The following GFRA1 variants were observed in gnomAD, a reference collection of about 807,000 sequenced individuals.
GFRA1 encodes the protein GDNF family receptor alpha 1, also known as GDNF family receptor alpha-1.
Under a neutral mutation model 51.6 loss-of-function variants are expected in GFRA1, and 16 were observed. The observed-to-expected ratio is 0.31, with a 90% CI of 0.21 to 0.47. The LOEUF (loss-of-function observed/expected upper bound fraction) is 0.47. Among genes scored for constraint, GFRA1 ranks in the 20% least tolerant of loss-of-function variants. The pLI, the probability that GFRA1 is intolerant of heterozygous loss-of-function variation, is 1.00. For synonymous variants in GFRA1, 270 were observed against 241.3 expected (o/e 1.12, Z -1.10); for missense variants, 530 against 594.3 (o/e 0.89, Z 1.13).
In GFRA1 at chr10:116,060,168, C is replaced by G. The variant is rs1456757350; in HGVS notation, c.*4230G>C. 6.6e-6 allele frequency: 1 copy of G among 152,150 alleles called. No individual in the cohort carries two copies. The highest frequency in any genetic ancestry group is 1.5e-5 in the Non-Finnish European group (1 of 68,050). 9.4% of individuals were successfully genotyped at this position (152,150 alleles called of 1,614,324 possible). ...AGAGGTCCAGCCCCCACAAAGAATT[C>G]TAGACAACAGACTTAAAACAAATGG... On this transcript the variant is annotated 3_prime_UTR_variant, in exon 11 of 11. Coordinates refer to ENST00000355422, the MANE Select transcript of GFRA1 (RefSeq NM_005264.8).
In GFRA1 at chr10:116,272,234, C is replaced by A; in HGVS notation, c.-205G>T. ...CGACTCAGCTCCGGGATGGCGAGGG[C>A]GGGAGGCGGTTCCGCTTTTAGGGGT... On this transcript the variant is annotated 5_prime_UTR_variant, in exon 2 of 11. Transcript: ENST00000355422. The surrounding 1 kb of genome is among the most constrained non-coding windows in gnomAD (Gnocchi z 4.4). 1 of 616,830 alleles carries A rather than the reference C, an allele frequency of 1.6e-6. No individual in the cohort carries two copies. The highest frequency in any genetic ancestry group is 2.9e-6 in the Non-Finnish European group (1 of 346,742). 38.2% of individuals were successfully genotyped at this position (616,830 alleles called of 1,614,324 possible).
At chr10:116,141,239 G>A (rs1958551537) in intron 5 of GFRA1, among the ~76,000 whole-genome samples, 1 of 152,176 alleles carries the variant, frequency 6.6e-6, no homozygotes, top group Admixed American at 6.5e-5. Context: ...ATCCCAAAAT[G>A]AACAATGCAG....
intron 4 of GFRA1, among the ~76,000 whole-genome samples, chr10:116,240,455 G>A (rs1171169857): frequency 2.6e-5 from 4 of 152,118 alleles, no homozygotes; most frequent in Non-Finnish European, 4.4e-5. Context: ...AATCACATTC[G>A]CAAAGAAGTA....
At chr10:116,239,457 T>C (rs1004915289) in intron 4 of GFRA1, among the ~76,000 whole-genome samples, 6 of 152,232 alleles carry the variant, frequency 3.9e-5, no homozygotes, top group African/African-American at 1.4e-4. Flanking sequence ...AATTTTGTTA[T>C]TGATCTCACG....
intron 5 of GFRA1, among the ~76,000 whole-genome samples, chr10:116,154,312 C>T (rs894215610): frequency 2.0e-5 from 3 of 152,126 alleles, no homozygotes; most frequent in African/African-American, 7.2e-5. Context: ...AAACTGGATA[C>T]GACCAAATAT....
intron 5 of GFRA1, among the ~76,000 whole-genome samples, chr10:116,136,625 C>T (rs1958336983): frequency 2.6e-5 from 4 of 152,136 alleles, no homozygotes; most frequent in Admixed American, 2.6e-4. Context: ...ATGTACTTGT[C>T]AACTAGCATA....
At chr10:116,186,570 TAAAAAAA>T (rs386372545) in intron 5 of GFRA1, among the ~76,000 whole-genome samples, 1 of 129,228 alleles carries the variant, frequency 7.7e-6, no homozygotes. Flanking sequence ...GAAAGGCTCT[TAAAAAAA>T]AAAAAAAAAA....
intron 6 of GFRA1, among the ~76,000 whole-genome samples, chr10:116,107,561 A>G (rs1957052224): frequency 6.8e-6 from 1 of 146,718 alleles, no homozygotes; most frequent in Non-Finnish European, 1.5e-5. Context: ...ATGAAATCAT[A>G]CTCCCTTTTT....
intron 6 of GFRA1, among the ~76,000 whole-genome samples, chr10:116,113,666 C>T (rs1441760931): frequency 1.3e-5 from 2 of 152,306 alleles, no homozygotes; most frequent in Admixed American, 1.3e-4. Flanking sequence ...AGCTCCGCAG[C>T]CCCACAGACC....
chr10:116,082,652 T>C (rs1955902066), intron 9 of GFRA1, among the ~76,000 whole-genome samples: 1 of 152,246 alleles, frequency 6.6e-6, no homozygotes, highest in East Asian at 1.9e-4. Flanking sequence ...GCTAATTTTG[T>C]ATTTTTAGTA....
At chr10:116,188,591 A>G (rs901808796) in intron 5 of GFRA1, among the ~76,000 whole-genome samples, 1 of 152,036 alleles carries the variant, frequency 6.6e-6, no homozygotes, top group Non-Finnish European at 1.5e-5. Context: ...TGAATTGTCC[A>G]CTCACGAGCG....
intron 9 of GFRA1, among the ~76,000 whole-genome samples, chr10:116,085,762 C>T (rs979207055): frequency 6.6e-6 from 1 of 152,180 alleles, no homozygotes; most frequent in Non-Finnish European, 1.5e-5. Context: ...AATCAGCAAG[C>T]TGCAAAAATA....
At chr10:116,102,926 G>A (rs1019203795) in intron 6 of GFRA1, among the ~76,000 whole-genome samples, 3 of 152,116 alleles carry the variant, frequency 2.0e-5, no homozygotes, top group African/African-American at 7.2e-5. Flanking sequence ...TAAACCCAAC[G>A]TGGACATTAG....
At chr10:116,243,177 A>C (rs2134643734) in intron 4 of GFRA1, among the ~76,000 whole-genome samples, 1 of 152,350 alleles carries the variant, frequency 6.6e-6, no homozygotes, top group South Asian at 2.1e-4. Flanking sequence ...TGTATCACAA[A>C]GGAGAAGCAG....
intron 5 of GFRA1, among the ~76,000 whole-genome samples, chr10:116,136,311 C>T (rs1958322546): frequency 6.6e-6 from 1 of 152,310 alleles, no homozygotes; most frequent in Non-Finnish European, 1.5e-5. Flanking sequence ...AAACCTAATT[C>T]ATTTTATGGG....
intron 4 of GFRA1, among the ~76,000 whole-genome samples, chr10:116,260,681 G>A (rs2134756992): frequency 6.6e-6 from 1 of 151,406 alleles, no homozygotes; most frequent in East Asian, 1.9e-4. Flanking sequence ...TAATAATAAA[G>A]GTTAACAATA....
At position 116,062,158 on chromosome 10, in the gene GFRA1, A is replaced by G; in HGVS notation, c.*2240T>C. 1 of 398,546 alleles carries G rather than the reference A, an allele frequency of 2.5e-6. No homozygotes were observed. Among genetic ancestry groups the G allele is most frequent in the South Asian group, 1.3e-4 (1 of 7,862 alleles). The allele number at this position is 398,546 out of a possible 1,614,324, so 24.7% of individuals were successfully genotyped here. On this transcript the variant is annotated 3_prime_UTR_variant, in exon 11 of 11. Transcript: ENST00000355422. ...GCTTTGGTCATCTGATGCTAATTAG[A>G]GCTGCTGTTACTGCAGAAGTAATCA...
At chr10:116,273,360 C>G (rs2134855269), upstream of GFRA1, 1 of 151,866 alleles carries the variant, frequency 6.6e-6, no homozygotes, top group East Asian at 2.0e-4. Flanking sequence ...TGGGCCAGGA[C>G]GATTTCCGAG....
At chr10:116,102,612 T>C (rs1477463145) in intron 6 of GFRA1, among the ~76,000 whole-genome samples, 1 of 152,156 alleles carries the variant, frequency 6.6e-6, no homozygotes, top group East Asian at 1.9e-4. Context: ...GAAAGCCACA[T>C]CTTACATGGT....
Sources: allele counts gnomAD v4.1 joint callset (sites outside exome capture counted in the v4.1 genomes callset), GRCh38; gene constraint gnomAD v4.1.1; non-coding constraint Gnocchi (gnomAD v3.1); transcripts MANE v1.5; gene names NCBI Gene and HGNC (gene_info 2026-07-23, HGNC 2026-07-21).